PLXNA4: variants seen among roughly 807,000 people sequenced by gnomAD.
PLXNA4 encodes the protein plexin A4.
PLXNA4 carries 44 observed loss-of-function variants against 191.8 expected under a neutral mutation model. The ratio of observed to expected loss-of-function variants is 0.23; its 90% CI spans 0.18 to 0.29. The LOEUF is 0.29. PLXNA4 is among the 10% of genes least tolerant of loss of function. PLXNA4 has a pLI of 1.00. For missense variants in PLXNA4, 1,800 were observed against 2,488.8 expected (o/e 0.72, Z 5.89); for synonymous variants, 1,082 against 1,009.5 (o/e 1.07, Z -1.36).
At chr7:132,201,760 G>C (rs1319217283) in intron 12 of PLXNA4, among the ~76,000 whole-genome samples, 1 of 152,248 alleles carries the variant, frequency 6.6e-6, no homozygotes, top group Non-Finnish European at 1.5e-5. Context: ...CTTGCTGGAA[G>C]AGTGCAGGAG....
At chr7:132,634,856 G>A (rs1041955494) in intron 2 of PLXNA4, among the ~76,000 whole-genome samples, 4 of 152,182 alleles carry the variant, frequency 2.6e-5, no homozygotes, top group Non-Finnish European at 5.9e-5. Context: ...CTCTGTGAGG[G>A]TGTTGCCAAA....
chr7:132,576,561 C>A (rs114932229), upstream of PLXNA4: 2,010 of 986,060 alleles, frequency 2.0e-3, 28 homozygotes, highest in African/African-American at 0.033. The surrounding 1 kb of genome is among the most constrained non-coding windows in gnomAD (Gnocchi z 5.8). Context: ...CAGCCCCGAA[C>A]GCAAATACTC....
At chr7:132,287,855 C>T (rs1294655928) in intron 4 of PLXNA4, among the ~76,000 whole-genome samples, 2 of 152,274 alleles carry the variant, frequency 1.3e-5, no homozygotes, top group East Asian at 3.9e-4. Flanking sequence ...CAGGCTACAA[C>T]AAAGGAGAAG....
upstream of PLXNA4, chr7:132,576,746 C>G (rs1802258423): frequency 3.0e-6 from 1 of 334,344 alleles, no homozygotes; most frequent in Admixed American, 6.5e-5. The surrounding 1 kb of genome is among the most constrained non-coding windows in gnomAD (Gnocchi z 5.8). Context: ...GCCCCGGAGC[C>G]CGAGCAGCGG....
At chr7:132,601,973 C>T (rs1802829521) in intron 2 of PLXNA4, among the ~76,000 whole-genome samples, 1 of 152,224 alleles carries the variant, frequency 6.6e-6, no homozygotes, top group Non-Finnish European at 1.5e-5. Context: ...ACTCAGATCT[C>T]AATTTGCTGG....
chr7:132,151,275 GAA>G (rs1491164666), intron 25 of PLXNA4, among the ~76,000 whole-genome samples: 4 of 102,140 alleles, frequency 3.9e-5, no homozygotes, highest in Non-Finnish European at 8.9e-5. Context: ...GGAGGAAGAA[GAA>G]GGAGGAGGAG....
In PLXNA4 at chr7:132,181,282, C is replaced by T. The variant is rs1192433912; in HGVS notation, c.3492+99G>A. The stretch of plus-strand genomic sequence containing the variant: ...TACACTGCAACCTCTGCAAGAGATG[C>T]TGGTTGAGAAATGTGGCAGGAGTCT... On this transcript the variant is annotated intron_variant, in intron 18 of 31. Coordinates refer to ENST00000321063, the MANE Select transcript of PLXNA4 (RefSeq NM_020911.2). The T allele has an allele frequency of 1.9e-6, 3 of 1,562,136 alleles. No homozygotes were observed. In the African/African-American group the frequency reaches 4.1e-5, roughly 21 times the overall value.
intron 4 of PLXNA4, among the ~76,000 whole-genome samples, chr7:132,274,878 G>A (rs1446699798): frequency 6.6e-6 from 1 of 150,880 alleles, no homozygotes; most frequent in African/African-American, 2.4e-5. Flanking sequence ...AAATTGTTGG[G>A]ATTACAGGTG....
At chr7:132,526,703 G>T (rs1196562968) in intron 1 of PLXNA4, among the ~76,000 whole-genome samples, 2 of 152,164 alleles carry the variant, frequency 1.3e-5, no homozygotes, top group African/African-American at 4.8e-5. Context: ...TGTGAGGGTT[G>T]GACATGGCTT....
intron 3 of PLXNA4, among the ~76,000 whole-genome samples, chr7:132,461,773 T>G (rs1434898232): frequency 6.6e-6 from 1 of 152,234 alleles, no homozygotes; most frequent in Non-Finnish European, 1.5e-5. Context: ...TCAACAACTT[T>G]GAGGGAAAGA....
At chr7:132,341,124 A>T (rs1159761580) in intron 3 of PLXNA4, among the ~76,000 whole-genome samples, 1 of 152,194 alleles carries the variant, frequency 6.6e-6, no homozygotes, top group Non-Finnish European at 1.5e-5. Flanking sequence ...ATGACTGCTA[A>T]GAGTTGGGGA....
At chr7:132,486,415 A>G (rs925549724) in intron 3 of PLXNA4, among the ~76,000 whole-genome samples, 1 of 152,196 alleles carries the variant, frequency 6.6e-6, no homozygotes, top group Non-Finnish European at 1.5e-5. Flanking sequence ...TTTGCTTTTT[A>G]TTATTTCAAA....
intron 10 of PLXNA4, among the ~76,000 whole-genome samples, chr7:132,205,603 C>T (rs985441394): frequency 2.5e-4 from 38 of 152,080 alleles, no homozygotes; most frequent in Admixed American, 8.5e-4. Context: ...CATCTCTCTC[C>T]TTGAAAGTCC....
intron 2 of PLXNA4, among the ~76,000 whole-genome samples, chr7:132,505,321 G>A (rs947999022): frequency 6.6e-6 from 1 of 152,232 alleles, no homozygotes; most frequent in Non-Finnish European, 1.5e-5. Context: ...ATTGTGGCAG[G>A]AAGCAACGGC....
At chr7:132,141,058 G>A (rs1427657154) in intron 29 of PLXNA4, among the ~76,000 whole-genome samples, 1 of 152,184 alleles carries the variant, frequency 6.6e-6, no homozygotes, top group Non-Finnish European at 1.5e-5. Context: ...ATGTTGGTAG[G>A]TACTTGAGAG....
intron 3 of PLXNA4, among the ~76,000 whole-genome samples, chr7:132,330,689 G>A (rs913079251): frequency 2.0e-5 from 3 of 152,152 alleles, no homozygotes; most frequent in Non-Finnish European, 2.9e-5. Context: ...CAATGGCTGA[G>A]TGTCCCAGCT....
At chr7:132,637,729 A>T (rs1480667005) in intron 2 of PLXNA4, among the ~76,000 whole-genome samples, 1 of 152,196 alleles carries the variant, frequency 6.6e-6, no homozygotes, top group Non-Finnish European at 1.5e-5. Flanking sequence ...ATAACTGAAA[A>T]TGAGGACAGG....
At chr7:132,431,980 G>T (rs1312290185) in intron 3 of PLXNA4, among the ~76,000 whole-genome samples, 98 of 152,246 alleles carry the variant, frequency 6.4e-4, no homozygotes, top group Non-Finnish European at 2.4e-4. Context: ...GTTTTAACCA[G>T]GCTCAGACCC....
At chr7:132,619,055 T>C (rs1803210277) in intron 2 of PLXNA4, among the ~76,000 whole-genome samples, 1 of 152,140 alleles carries the variant, frequency 6.6e-6, no homozygotes, top group Non-Finnish European at 1.5e-5. Flanking sequence ...ACTAGACAAG[T>C]TGTGGCTCAG....
Sources: gnomAD v4.1 joint callset for allele counts (sites outside exome capture counted in the v4.1 genomes callset) on GRCh38, gnomAD v4.1.1 for gene constraint, Gnocchi (gnomAD v3.1) non-coding constraint, MANE v1.5 for transcripts, NCBI Gene and HGNC (gene_info 2026-07-23, HGNC 2026-07-21) for gene names.